Variants in ADGRL3 observed in about 807,000 individuals in gnomAD.
The protein encoded by ADGRL3 is adhesion G protein-coupled receptor L3, also known as calcium-independent alpha-latrotoxin receptor 3.
Under a neutral mutation model 153.5 loss-of-function variants are expected in ADGRL3, and 62 were observed. The ratio of observed to expected loss-of-function variants is 0.40; its 90% CI spans 0.33 to 0.50. ADGRL3 has a LOEUF of 0.50. Among genes scored for constraint, ADGRL3 ranks in the 20% least tolerant of loss-of-function variants. The pLI, the probability that ADGRL3 is intolerant of heterozygous loss-of-function variation, is 0.47. For missense variants in ADGRL3, 1,641 were observed against 1,859.4 expected, an observed-to-expected ratio of 0.88 and a Z score of 2.16; for synonymous variants, 710 against 672.5, an observed-to-expected ratio of 1.06 and a Z score of -0.86.
chr4:61,614,949 C>A (rs939931766), intron 5 of ADGRL3, among the ~76,000 whole-genome samples: 1 of 152,048 alleles, frequency 6.6e-6, no homozygotes, highest in African/African-American at 2.4e-5. Context: ...ACATAAGCAA[C>A]ATTTTAAAAG....
In ADGRL3 at chr4:61,939,013, T is replaced by C. The variant is rs1007234196; in HGVS notation, c.2419+2968T>C. On this transcript the variant is annotated intron_variant, in intron 15 of 26. Coordinates refer to ENST00000683033, the MANE Select transcript of ADGRL3 (RefSeq NM_001387552.1). ...ATAGTAGTTGGGGCCAGAAATAAGA[T>C]ATAGGGCTTGACTTTTTAAAGTAAA... Among the ~76,000 whole-genome samples the C allele has an allele frequency of 4.0e-5, 6 of 151,818 alleles. No individual in the cohort carries two copies. The South Asian group carries it at 1.2e-3, about 32-fold the overall frequency.
At chr4:61,661,999 G>A (rs2094607888) in intron 5 of ADGRL3, among the ~76,000 whole-genome samples, 1 of 152,202 alleles carries the variant, frequency 6.6e-6, no homozygotes, top group Non-Finnish European at 1.5e-5. Flanking sequence ...CTTCTGAAAA[G>A]CAGGTTGTAG....
chr4:61,739,298 T>C lies in ADGRL3; in HGVS notation c.1399+5744T>C, dbSNP rs905418277. ...TGATATTGTTTTAGTCAGTTTCTTC[T>C]ACAAATTACTTTTTTTTTTTTGATT... On this transcript the variant is annotated intron_variant, in intron 8 of 26. Transcript: ENST00000683033. Among the ~76,000 whole-genome samples the C allele has an allele frequency of 1.4e-4, 21 of 148,556 alleles. No homozygotes were observed. In the South Asian group the frequency reaches 2.8e-3, roughly 19 times the overall value.
At chr4:61,793,550 T>A (rs2097370496) in intron 8 of ADGRL3, among the ~76,000 whole-genome samples, 1 of 152,136 alleles carries the variant, frequency 6.6e-6, no homozygotes, top group Admixed American at 6.6e-5. Flanking sequence ...GTGGGAATTG[T>A]GAGAATTACA....
chr4:61,904,822 ATATAT>A (rs1294792640), intron 11 of ADGRL3, among the ~76,000 whole-genome samples: 2 of 152,172 alleles, frequency 1.3e-5, no homozygotes, highest in East Asian at 3.8e-4. Flanking sequence ...CGTTTTGAAG[ATATAT>A]TAATGAAGGA....
chr4:61,457,873 GA>G (rs2097771380), intron 2 of ADGRL3, among the ~76,000 whole-genome samples: 1 of 151,586 alleles, frequency 6.6e-6, no homozygotes, highest in African/African-American at 2.4e-5. Context: ...TAGATAGATA[GA>G]TAGATAGATA....
In ADGRL3 at chr4:61,983,491, G is replaced by A. The variant is rs2099075508; in HGVS notation, c.3124G>A (p.Glu1042Lys). 1 of 1,613,834 alleles carries A rather than the reference G, an allele frequency of 6.2e-7. No homozygotes were observed. Among genetic ancestry groups the A allele is most frequent in the African/African-American group, 1.3e-5 (1 of 74,920 alleles). ...QLYIMLVEVF[E>K]SEHSRRKYFY... is the part of the protein sequence containing the mutation. ...TTATATCATGCTGGTGGAGGTTTTT[G>A]AGAGTGAACATTCACGTAGGAAATA... Residue 1042 changes from glutamate to lysine, a missense_variant, in exon 19 of 27, where the codon GAG becomes AAG. Glu to Lys is a moderately conservative substitution (Grantham distance 56, BLOSUM62 1). This residue lies in a region of ADGRL3 where 734 missense variants were observed against 797.0 expected (regional missense o/e 0.92). Coordinates refer to ENST00000683033, the MANE Select transcript of ADGRL3 (RefSeq NM_001387552.1).
chr4:61,428,724 G>T (rs2097311712), intron 2 of ADGRL3, among the ~76,000 whole-genome samples: 1 of 152,094 alleles, frequency 6.6e-6, no homozygotes, highest in African/African-American at 2.4e-5. Context: ...AGTATTAAAT[G>T]AATTAATATT....
At chr4:61,718,136 GT>G (rs559597575) in intron 6 of ADGRL3, among the ~76,000 whole-genome samples, 2 of 152,156 alleles carry the variant, frequency 1.3e-5, no homozygotes, top group Admixed American at 1.3e-4. Flanking sequence ...TTTTGGTGGG[GT>G]TTTTTGTAAT....
At chr4:61,851,088 G>A (rs968578969) in intron 9 of ADGRL3, among the ~76,000 whole-genome samples, 3 of 152,020 alleles carry the variant, frequency 2.0e-5, no homozygotes, top group African/African-American at 7.2e-5. Context: ...TTTTAAACGT[G>A]TAATTTTATT....
intron 4 of ADGRL3, among the ~76,000 whole-genome samples, chr4:61,525,401 G>A (rs958928131): frequency 5.3e-5 from 8 of 152,048 alleles, no homozygotes; most frequent in African/African-American, 7.2e-5. Context: ...ACAAGAACAC[G>A]GGGAAAGAAA....
chr4:61,612,792 T>C (rs1436162494), intron 5 of ADGRL3, among the ~76,000 whole-genome samples: 2 of 152,160 alleles, frequency 1.3e-5, no homozygotes, highest in African/African-American at 2.4e-5. Context: ...TTACTATATA[T>C]GGGATGTCTG....
At chr4:61,949,699 A>T (rs1352508793) in intron 17 of ADGRL3, among the ~76,000 whole-genome samples, 1 of 148,142 alleles carries the variant, frequency 6.8e-6, no homozygotes, top group Non-Finnish European at 1.5e-5. Flanking sequence ...TGTCTCAAAT[A>T]AAAAAAAAAA....
intron 6 of ADGRL3, among the ~76,000 whole-genome samples, chr4:61,726,210 G>GTTTTTTTTTTTTTTTGTTTTTTT (rs149472429): frequency 1.2e-4 from 14 of 118,476 alleles, no homozygotes; most frequent in East Asian, 2.6e-4. Context: ...TTTTTTTTTT[G>GTTTTTTTTTTTTTTTGTTTTTTT]TTTTTTGAGA....
At chr4:61,433,907 T>C (rs2097408360) in intron 2 of ADGRL3, among the ~76,000 whole-genome samples, 1 of 152,210 alleles carries the variant, frequency 6.6e-6, no homozygotes, top group African/African-American at 2.4e-5. Flanking sequence ...TCAAAGACTT[T>C]AGAATTATTT....
Position 62,071,733 on chromosome 4 carries a change from T to C in ADGRL3, c.*825T>C, listed in dbSNP as rs1202967261. ...AGTTTCCTTCCTTTCTTCTCTTTCT[T>C]CATTTTCTTTTTTTCTTTTTTGCCT... On this transcript the variant is annotated 3_prime_UTR_variant, in exon 27 of 27. Coordinates refer to ENST00000683033, the MANE Select transcript of ADGRL3 (RefSeq NM_001387552.1). 5 of 422,188 alleles carry C rather than the reference T, an allele frequency of 1.2e-5. No individual in the cohort carries two copies. The highest frequency in any genetic ancestry group is 5.0e-4 in the Middle Eastern group (1 of 2,000). 26.2% of individuals were successfully genotyped at this position (422,188 alleles called of 1,614,324 possible).
At chr4:62,040,717 G>T (rs1727800380) in intron 24 of ADGRL3, among the ~76,000 whole-genome samples, 1 of 152,014 alleles carries the variant, frequency 6.6e-6, no homozygotes, top group Admixed American at 6.6e-5. Flanking sequence ...AGCGTTGGGA[G>T]ACAGAAAACG....
At chr4:61,589,206 AT>A (rs1176048955) in intron 5 of ADGRL3, among the ~76,000 whole-genome samples, 1 of 152,088 alleles carries the variant, frequency 6.6e-6, no homozygotes, top group African/African-American at 2.4e-5. Flanking sequence ...GGTTTCACAA[AT>A]ATGAGTTGTC....
intron 22 of ADGRL3, among the ~76,000 whole-genome samples, chr4:62,029,943 T>A (rs568385987): frequency 5.1e-4 from 78 of 151,716 alleles, no homozygotes; most frequent in African/African-American, 1.8e-3. Context: ...CTGAATCCAG[T>A]TGTAGTATAA....
Sources: allele counts gnomAD v4.1 joint callset (sites outside exome capture counted in the v4.1 genomes callset), GRCh38; gene constraint gnomAD v4.1.1; regional missense constraint gnomAD v4.1.1; transcripts MANE v1.5; gene names NCBI Gene and HGNC (gene_info 2026-07-23, HGNC 2026-07-21).